Variants in OSBPL10 observed in about 807,000 individuals in gnomAD.
The protein encoded by OSBPL10 is oxysterol-binding protein-related protein 10.
Under a neutral mutation model 81.7 loss-of-function variants are expected in OSBPL10, and 49 were observed. The observed-to-expected ratio is 0.60, with a 90% CI of 0.48 to 0.76. OSBPL10 has a LOEUF of 0.76. OSBPL10 is among the 30% of genes least tolerant of loss of function. OSBPL10 has a pLI of 0.00. For missense variants in OSBPL10, 923 were observed against 987.8 expected (o/e 0.93, Z 0.88); for synonymous variants, 419 against 383.6 (o/e 1.09, Z -1.08).
chr3:31,865,905 T>C (rs2125607135), intron 3 of OSBPL10, among the ~76,000 whole-genome samples: 1 of 152,266 alleles, frequency 6.6e-6, no homozygotes, highest in Non-Finnish European at 1.5e-5. Flanking sequence ...TTGGTGTGCA[T>C]TTTTCTTTCC....
chr3:31,807,877 CATAAGAA>C (rs1384857784), intron 4 of OSBPL10, among the ~76,000 whole-genome samples: 1 of 152,218 alleles, frequency 6.6e-6, no homozygotes, highest in East Asian at 1.9e-4. Flanking sequence ...GAAGACTACA[CATAAGAA>C]ATAAGAAATT....
chr3:32,034,488 C>T (rs1699500826), intron 2 of OSBPL10, among the ~76,000 whole-genome samples: 1 of 151,920 alleles, frequency 6.6e-6, no homozygotes, highest in Non-Finnish European at 1.5e-5. Context: ...ATACTCTCCC[C>T]TCTAAAAGCT....
chr3:31,770,338 AT>A (rs1698343328), intron 4 of OSBPL10, among the ~76,000 whole-genome samples: 1 of 152,236 alleles, frequency 6.6e-6, no homozygotes, highest in South Asian at 2.1e-4. Flanking sequence ...AGATTAAAAA[AT>A]AATCGACCCA....
At position 31,758,815 on chromosome 3, in the gene OSBPL10, T is replaced by G. The variant is rs556813244; in HGVS notation, c.730-10695A>C. Among the ~76,000 whole-genome samples, 134 of 152,354 alleles carry G rather than the reference T, an allele frequency of 8.8e-4. 3 individuals are homozygous for G. Among genetic ancestry groups the G allele is most frequent in the African/African-American group, 2.5e-3 (106 of 41,586 alleles). On this transcript the variant is annotated intron_variant, in intron 4 of 11. Coordinates refer to ENST00000396556, the MANE Select transcript of OSBPL10 (RefSeq NM_017784.5). ...ATTCATGATTCCTCCTATAGCTTCT[T>G]GAATATGTATATTTGGCCACCTTGT...
intron 2 of OSBPL10, among the ~76,000 whole-genome samples, chr3:32,026,050 AGATAGATGATAGATAG>A (rs1342963690): frequency 2.6e-5 from 3 of 115,936 alleles, no homozygotes; most frequent in East Asian, 5.6e-4. Context: ...ATAGATAGAT[AGATAGATGATAGATAG>A]ATAGATAGAT....
At chr3:31,809,063 A>G (rs1699597356) in intron 4 of OSBPL10, among the ~76,000 whole-genome samples, 1 of 152,244 alleles carries the variant, frequency 6.6e-6, no homozygotes, top group East Asian at 1.9e-4. Flanking sequence ...AAGAATAATC[A>G]CAACCGCCAC....
At chr3:31,972,299 G>C (rs1698587869) in intron 1 of OSBPL10, among the ~76,000 whole-genome samples, 1 of 152,238 alleles carries the variant, frequency 6.6e-6, no homozygotes, top group South Asian at 2.1e-4. Flanking sequence ...TGTGGCAGAA[G>C]AATCGCTTGA....
At chr3:31,890,027 T>G (rs1029418333) in intron 1 of OSBPL10, among the ~76,000 whole-genome samples, 3 of 151,912 alleles carry the variant, frequency 2.0e-5, no homozygotes, top group Admixed American at 1.3e-4. Flanking sequence ...ATGTGGATTC[T>G]GACTCTCAAC....
chr3:31,763,686 C>T (rs1203625291), intron 4 of OSBPL10, among the ~76,000 whole-genome samples: 1 of 152,156 alleles, frequency 6.6e-6, no homozygotes, highest in Non-Finnish European at 1.5e-5. Flanking sequence ...CAGGCAAGAA[C>T]ATGACTACAT....
chr3:31,836,745 C>T (rs1354069454), intron 3 of OSBPL10, among the ~76,000 whole-genome samples: 4 of 152,188 alleles, frequency 2.6e-5, no homozygotes, highest in Non-Finnish European at 5.9e-5. Flanking sequence ...TCAAGTGTGA[C>T]TTCAAAACCT....
intron 2 of OSBPL10, chr3:32,030,663 T>G: frequency 8.1e-7 from 1 of 1,230,570 alleles, no homozygotes; most frequent in South Asian, 1.2e-5. Context: ...CTATTCCCTA[T>G]GAATTCATGG....
chr3:31,735,028 C>G (rs998765253), intron 5 of OSBPL10, among the ~76,000 whole-genome samples: 1 of 152,242 alleles, frequency 6.6e-6, no homozygotes, highest in Non-Finnish European at 1.5e-5. Context: ...TGTGTATGTG[C>G]GGTGCTTATG....
At chr3:31,766,087 A>G (rs1342385348) in intron 4 of OSBPL10, among the ~76,000 whole-genome samples, 1 of 152,096 alleles carries the variant, frequency 6.6e-6, no homozygotes, top group Non-Finnish European at 1.5e-5. Flanking sequence ...AACAAAGCCC[A>G]GCAGAGCCGC....
At chr3:31,918,380 G>A (rs1482534736) in intron 1 of OSBPL10, among the ~76,000 whole-genome samples, 1 of 150,970 alleles carries the variant, frequency 6.6e-6, no homozygotes, top group Admixed American at 6.6e-5. Flanking sequence ...CCAGGCCAGA[G>A]TACAGTGGTA....
At chr3:31,702,324 A>C (rs775774098) in intron 7 of OSBPL10, 35 bp downstream of exon 7, 5 of 1,609,300 alleles carry the variant, frequency 3.1e-6, no homozygotes, top group Non-Finnish European at 4.3e-6. Context: ...GAACCCCAAC[A>C]ACTGACCACA....
chr3:31,882,500 C>G (rs1017616885), intron 1 of OSBPL10, among the ~76,000 whole-genome samples: 2 of 152,250 alleles, frequency 1.3e-5, no homozygotes, highest in Non-Finnish European at 2.9e-5. Context: ...TCCAGGTAAT[C>G]TGCTGCAGGT....
intron 7 of OSBPL10, among the ~76,000 whole-genome samples, chr3:31,690,508 T>C (rs1483308134): frequency 6.6e-6 from 1 of 152,060 alleles, no homozygotes; most frequent in African/African-American, 2.4e-5. Flanking sequence ...ATGTTCAAAA[T>C]AAAAAAGTTG....
In OSBPL10 at chr3:31,876,422, C is replaced by T. The variant is rs192078576; in HGVS notation, c.537+11G>A. 5.6e-5 allele frequency: 89 copies of T among 1,600,962 alleles called. No homozygotes were observed. The highest frequency in any genetic ancestry group is 3.1e-4 in the East Asian group (14 of 44,816). On this transcript the variant is annotated intron_variant, in intron 3 of 11. Transcript: ENST00000396556. ...ATTCGAATGCCTCCTTCCTTTCTCA[C>T]GGTGACTTACCTTAGAATTCATTTC...
At chr3:31,756,534 TTAA>T (rs1189119800) in intron 4 of OSBPL10, among the ~76,000 whole-genome samples, 1 of 151,986 alleles carries the variant, frequency 6.6e-6, no homozygotes, top group Non-Finnish European at 1.5e-5. Flanking sequence ...TCTGACTCTT[TTAA>T]TTTATATCTA....
Sources: allele counts gnomAD v4.1 joint callset (sites outside exome capture counted in the v4.1 genomes callset), GRCh38; gene constraint gnomAD v4.1.1; transcripts MANE v1.5; gene names NCBI Gene and HGNC (gene_info 2026-07-23, HGNC 2026-07-21).